The following TENM1 variants were observed in gnomAD, a reference collection of about 807,000 sequenced individuals.
TENM1 encodes teneurin-1.
Under a neutral mutation model 174.8 loss-of-function variants are expected in TENM1, and 35 were observed. That is an observed-to-expected ratio of 0.20 (90% CI 0.15 to 0.27). The LOEUF is 0.27. Among genes scored for constraint, TENM1 ranks in the 10% least tolerant of loss-of-function variants. TENM1 has a pLI of 1.00. For synonymous variants in TENM1, 781 were observed against 798.7 expected (o/e 0.98, Z 0.37); for missense variants, 1,633 against 2,130.1 (o/e 0.77, Z 4.59).
chrX:124,862,951 G>C (rs1281644136), intron 3 of TENM1, among the ~76,000 whole-genome samples: 1 of 108,084 alleles, frequency 9.3e-6, no homozygotes, highest in East Asian at 3.0e-4. Flanking sequence ...AGGCAGGATA[G>C]GGCTCTGGTC....
the TENM1 span, among the ~76,000 whole-genome samples, chrX:125,175,478 A>G: frequency 5.4e-5 from 6 of 111,891 alleles, no homozygotes; most frequent in Non-Finnish European, 1.1e-4. Context: ...AGTGCATGCT[A>G]TGTGGATACC....
At chrX:124,984,333 T>C in the TENM1 span, among the ~76,000 whole-genome samples, 1 of 112,434 alleles carries the variant, frequency 8.9e-6, no homozygotes, top group African/African-American at 3.2e-5. Context: ...TGTCAACACT[T>C]TATTCAAGAT....
chrX:124,776,982 T>C (rs1344235071), intron 3 of TENM1, among the ~76,000 whole-genome samples: 6 of 111,321 alleles, frequency 5.4e-5, no homozygotes. Context: ...TCTAGCTTCA[T>C]CAACATCTTC....
chrX:125,059,376 T>C, the TENM1 span, among the ~76,000 whole-genome samples: 4 of 111,801 alleles, frequency 3.6e-5, no homozygotes, highest in Middle Eastern at 4.6e-3. Context: ...TCCATACCGA[T>C]AGTAAAAAAG....
intron 1 of TENM1, among the ~76,000 whole-genome samples, chrX:124,924,422 A>G: frequency 9.0e-6 from 1 of 111,014 alleles, no homozygotes; most frequent in Middle Eastern, 4.6e-3. Flanking sequence ...CTCTTTTCTA[A>G]CGTTTCTTTC....
At position 124,610,864 on chromosome X, in the gene TENM1, C is replaced by T. The variant is rs183041655; in HGVS notation, c.2077+30927G>A. Among the ~76,000 whole-genome samples the T allele has an allele frequency of 2.5e-3, 283 of 111,368 alleles. 4 individuals are homozygous for T. Among genetic ancestry groups the T allele is most frequent in the Non-Finnish European group, 4.6e-3 (243 of 52,954 alleles). On this transcript the variant is annotated intron_variant, in intron 11 of 31. Transcript: ENST00000422452. ...TCTCCCAAACATGCTAGGAAGCATG[C>T]GACTTCCTTATTTATGCTTTATAGA...
chrX:124,698,790 T>C (rs1451330128), intron 5 of TENM1, among the ~76,000 whole-genome samples: 1 of 111,623 alleles, frequency 9.0e-6, no homozygotes, highest in African/African-American at 3.2e-5. Context: ...GCAATATATT[T>C]GTATTTATTA....
intron 3 of TENM1, among the ~76,000 whole-genome samples, chrX:124,828,470 ACT>A (rs1321742506): frequency 8.9e-6 from 1 of 111,889 alleles, no homozygotes; most frequent in African/African-American, 3.3e-5. Flanking sequence ...TGAGTCAAGA[ACT>A]CTCTGAGAAG....
chrX:125,016,454 C>G, the TENM1 span, among the ~76,000 whole-genome samples: 1 of 111,056 alleles, frequency 9.0e-6, no homozygotes, highest in Non-Finnish European at 1.9e-5. Flanking sequence ...GAGTGAACTC[C>G]CATTTGCAAT....
intron 11 of TENM1, among the ~76,000 whole-genome samples, chrX:124,612,673 G>A (rs2050305332): frequency 9.0e-6 from 1 of 111,011 alleles, no homozygotes; most frequent in South Asian, 3.8e-4. Flanking sequence ...TTTGTTCCAG[G>A]CCTCCACATT....
At chrX:124,953,042 A>G (rs765454012) in intron 1 of TENM1, among the ~76,000 whole-genome samples, 1 of 112,019 alleles carries the variant, frequency 8.9e-6, no homozygotes, top group Non-Finnish European at 1.9e-5. Flanking sequence ...TGTTGAAAAT[A>G]AACAGAACTT....
At chrX:124,780,379 C>A (rs1197777489) in intron 3 of TENM1, among the ~76,000 whole-genome samples, 1 of 112,033 alleles carries the variant, frequency 8.9e-6, no homozygotes, top group Non-Finnish European at 1.9e-5. Flanking sequence ...TGATTCACAT[C>A]ACATAAAACT....
At chrX:124,920,838 T>TA (rs1355895766) in intron 1 of TENM1, among the ~76,000 whole-genome samples, 6 of 110,469 alleles carry the variant, frequency 5.4e-5, no homozygotes, top group African/African-American at 2.0e-4. Flanking sequence ...ATTTTGTATG[T>TA]ACCAGATATT....
the TENM1 span, among the ~76,000 whole-genome samples, chrX:124,973,552 C>T: frequency 9.0e-6 from 1 of 111,322 alleles, no homozygotes; most frequent in Non-Finnish European, 1.9e-5. Flanking sequence ...AATGTTTTTC[C>T]ATTTGTTTGT....
chrX:124,487,808 C>T (rs2046984129), intron 20 of TENM1, among the ~76,000 whole-genome samples: 1 of 111,736 alleles, frequency 8.9e-6, no homozygotes, highest in Admixed American at 9.5e-5. Context: ...CCAACACTAA[C>T]CCTAAGCCAC....
At chrX:125,081,592 A>T in the TENM1 span, among the ~76,000 whole-genome samples, 1 of 111,318 alleles carries the variant, frequency 9.0e-6, no homozygotes, top group Non-Finnish European at 1.9e-5. Flanking sequence ...TTTTTAGCTT[A>T]AAAATACTTA....
chrX:124,971,826 A>G, the TENM1 span, among the ~76,000 whole-genome samples: 17,383 of 111,406 alleles, frequency 0.16, 1,309 homozygotes, highest in Non-Finnish European at 0.23. Flanking sequence ...GAATTTCCTT[A>G]TTAGTGAGGC....
the TENM1 span, among the ~76,000 whole-genome samples, chrX:125,126,056 T>G: frequency 8.9e-6 from 1 of 112,335 alleles, no homozygotes; most frequent in Non-Finnish European, 1.9e-5. Flanking sequence ...TTTACTTCAA[T>G]GCACACTAAG....
At chrX:124,471,385 G>A (rs1425153390) in intron 22 of TENM1, among the ~76,000 whole-genome samples, 1 of 25,472 alleles carries the variant, frequency 3.9e-5, no homozygotes, top group African/African-American at 1.7e-4. Context: ...ATAATATATA[G>A]TACTATATAT....
Sources: allele counts gnomAD v4.1 joint callset (sites outside exome capture counted in the v4.1 genomes callset), GRCh38; gene constraint gnomAD v4.1.1; transcripts MANE v1.5; gene names NCBI Gene and HGNC (gene_info 2026-07-23, HGNC 2026-07-21).